The following SCD5 variants were observed in gnomAD, a reference collection of about 807,000 sequenced individuals.
SCD5 encodes stearoyl-CoA desaturase 5.
In SCD5, 20 loss-of-function variants were observed where a neutral mutation model predicts 30.4. The ratio of observed to expected loss-of-function variants is 0.66; its 90% CI spans 0.46 to 0.96. SCD5 has a LOEUF of 0.96. Ranked by LOEUF, SCD5 falls within the 40% of genes least tolerant of loss-of-function variation. The pLI, the probability that SCD5 is intolerant of heterozygous loss-of-function variation, is 0.00. For synonymous variants in SCD5, 173 were observed against 176.4 expected (o/e 0.98, Z 0.16); for missense variants, 381 against 443.3 (o/e 0.86, Z 1.26).
chr4:82,645,423 A>T (rs1027301013), intron 3 of SCD5, among the ~76,000 whole-genome samples: 1 of 152,238 alleles, frequency 6.6e-6, no homozygotes, highest in African/African-American at 2.4e-5. Flanking sequence ...TTGAGAACAC[A>T]GACCCAAATA....
intron 1 of SCD5, among the ~76,000 whole-genome samples, chr4:82,794,986 A>G (rs1484610483): frequency 2.0e-5 from 3 of 152,120 alleles, no homozygotes; most frequent in Admixed American, 2.0e-4. Context: ...CGCATTGCTG[A>G]GGACCTGGGG....
intron 1 of SCD5, among the ~76,000 whole-genome samples, chr4:82,747,520 C>G (rs1721021531): frequency 6.6e-6 from 1 of 152,170 alleles, no homozygotes; most frequent in South Asian, 2.1e-4. Flanking sequence ...TTACGTTTCT[C>G]TTATATAAAA....
intron 3 of SCD5, among the ~76,000 whole-genome samples, chr4:82,650,419 G>A (rs960321829): frequency 1.3e-5 from 2 of 152,160 alleles, no homozygotes; most frequent in Admixed American, 6.5e-5. Context: ...TTGAGGTCAC[G>A]CACAGTGGCT....
chr4:82,753,315 TG>T (rs1327912192), intron 1 of SCD5: 2 of 503,844 alleles, frequency 4.0e-6, no homozygotes, highest in African/African-American at 2.1e-5. Flanking sequence ...GGGGTGGGGG[TG>T]GGGGGTTCTG....
In SCD5 at chr4:82,680,720, G is replaced by A. The variant is rs199983077; in HGVS notation, c.556C>T (p.Arg186Trp). The A allele has an allele frequency of 2.5e-5, 41 of 1,613,902 alleles. No homozygotes were observed. The highest frequency in any genetic ancestry group is 3.0e-5 in the Non-Finnish European group (35 of 1,180,008). Residue 186 changes from arginine (R) to tryptophan (W), a missense_variant, in exon 3 of 5, where the codon CGG becomes TGG. Coordinates refer to ENST00000319540, the MANE Select transcript of SCD5 (RefSeq NM_001037582.3). Reference sequence around the variant, plus strand: ...CCATTCACTTACTTTCTCTGGATCCGGACCACAGGATCAGCAAGCAGGTCA... The same window carrying A: ...CCATTCACTTACTTTCTCTGGATCCAGACCACAGGATCAGCAAGCAGGTCA... ...VTDLLADPVVRIQRKYYKISV... is the reference protein window; with the variant it reads ...VTDLLADPVVWIQRKYYKISV...
At chr4:82,657,961 G>A (rs756167490) in intron 3 of SCD5, among the ~76,000 whole-genome samples, 16 of 152,156 alleles carry the variant, frequency 1.1e-4, no homozygotes, top group African/African-American at 3.6e-4. Flanking sequence ...CTGAAACATC[G>A]CTGAAGTTGC....
At chr4:82,782,824 C>T (rs1027843709) in intron 1 of SCD5, among the ~76,000 whole-genome samples, 1 of 152,138 alleles carries the variant, frequency 6.6e-6, no homozygotes, top group Admixed American at 6.5e-5. Context: ...AACACACCCA[C>T]GGCTATTCAC....
intron 1 of SCD5, among the ~76,000 whole-genome samples, chr4:82,783,390 G>A (rs1429842750): frequency 6.6e-6 from 1 of 152,024 alleles, no homozygotes; most frequent in African/African-American, 2.4e-5. Context: ...TCCAAAGGGG[G>A]AAAAAAATAG....
At position 82,724,790 on chromosome 4, in the gene SCD5, G is replaced by A. The variant is rs1029062824; in HGVS notation, c.233-19377C>T. 4.6e-5 allele frequency among the ~76,000 whole-genome samples: 7 copies of A among 152,342 alleles called. No homozygotes were observed. In the East Asian group the frequency reaches 1.2e-3, roughly 25 times the overall value. On this transcript the variant is annotated intron_variant, in intron 1 of 4. Transcript: ENST00000319540. ...GATAGATACCCTGAAAACTGCTGTC[G>A]TTGTGCCTGTGAGCAGTGGGGCTTG... is the stretch of plus-strand genomic sequence containing the variant.
Position 82,775,104 on chromosome 4 carries a change from G to A in SCD5, c.232+23202C>T, listed in dbSNP as rs144899318. Among the ~76,000 whole-genome samples the A allele has an allele frequency of 3.1e-3, 468 of 152,308 alleles. 2 individuals are homozygous for A. Among genetic ancestry groups the A allele is most frequent in the African/African-American group, 0.011 (438 of 41,550 alleles). ...GCACCTCCAGCTCAGCCAGCACAGG[G>A]TGGACAGAAGCAAAGCCATTGCTTC... is the stretch of plus-strand genomic sequence containing the variant. On this transcript the variant is annotated intron_variant, in intron 1 of 4. Transcript: ENST00000319540.
rs576138221 is a variant in SCD5 at position 82,739,443 on chromosome 4, G to A, written c.233-34030C>T. ...ATTTATGAAGCCTGGTAATGCCCAC[G>A]TACTGGTGCCAGCAGTGTGGGTGCA... On this transcript the variant is annotated intron_variant, in intron 1 of 4. Transcript: ENST00000319540. 2.8e-3 allele frequency among the ~76,000 whole-genome samples: 429 copies of A among 152,340 alleles called. 2 individuals carry two copies. The highest frequency in any genetic ancestry group is 9.9e-3 in the African/African-American group (410 of 41,586).
intron 3 of SCD5, among the ~76,000 whole-genome samples, chr4:82,664,521 C>T (rs1252023677): frequency 6.6e-6 from 1 of 152,062 alleles, no homozygotes; most frequent in East Asian, 1.9e-4. Context: ...GATATTACAA[C>T]TATCAGGTAG....
intron 1 of SCD5, among the ~76,000 whole-genome samples, chr4:82,779,819 T>C (rs1338168156): frequency 1.3e-5 from 2 of 152,242 alleles, no homozygotes; most frequent in Non-Finnish European, 2.9e-5. Flanking sequence ...ATTTTTCAGA[T>C]TTTTGTATAG....
chr4:82,685,537 A>AC (rs1428513561), intron 2 of SCD5, among the ~76,000 whole-genome samples: 5 of 152,006 alleles, frequency 3.3e-5, no homozygotes, highest in African/African-American at 9.7e-5. Flanking sequence ...ACATAGTGAA[A>AC]CCCCATCTCG....
chr4:82,714,206 C>T (rs1720172913), intron 1 of SCD5, among the ~76,000 whole-genome samples: 1 of 152,224 alleles, frequency 6.6e-6, no homozygotes, highest in African/African-American at 2.4e-5. Context: ...CCCACTTCCC[C>T]ACCTGGATCC....
At chr4:82,741,156 C>T (rs1202065779) in intron 1 of SCD5, among the ~76,000 whole-genome samples, 2 of 149,872 alleles carry the variant, frequency 1.3e-5, no homozygotes, top group African/African-American at 4.9e-5. Flanking sequence ...CTAGGCTGGT[C>T]TCAAACTCCT....
Position 82,798,757 on chromosome 4 carries a change from T to G in SCD5, c.-220A>C. 1 of 529,862 alleles carries G rather than the reference T, an allele frequency of 1.9e-6. No homozygotes were observed. 32.8% of individuals were successfully genotyped at this position (529,862 alleles called of 1,614,324 possible). ...TGGCGGCCGGCGTCTGTTGCTGGCG[T>G]ATCCCCCATATGGCTGCCCGGGCTG... On this transcript the variant is annotated 5_prime_UTR_variant, in exon 1 of 5. Transcript: ENST00000319540.
At chr4:82,657,407 G>A (rs770418031) in intron 3 of SCD5, among the ~76,000 whole-genome samples, 7 of 152,182 alleles carry the variant, frequency 4.6e-5, no homozygotes, top group Non-Finnish European at 8.8e-5. Context: ...TCAGATGGTT[G>A]TAGATGTGTG....
intron 1 of SCD5, among the ~76,000 whole-genome samples, chr4:82,712,506 C>T (rs1720132883): frequency 6.7e-6 from 1 of 150,120 alleles, no homozygotes; most frequent in Non-Finnish European, 1.5e-5. Context: ...TTAGTAGAGA[C>T]TGGGTTTCAC....
Sources: allele counts gnomAD v4.1 joint callset (sites outside exome capture counted in the v4.1 genomes callset), GRCh38; gene constraint gnomAD v4.1.1; transcripts MANE v1.5; gene names NCBI Gene and HGNC (gene_info 2026-07-23, HGNC 2026-07-21).